Variants in ITPR2 observed in about 807,000 individuals in gnomAD.
The protein encoded by ITPR2 is inositol 1,4,5-trisphosphate-gated calcium channel ITPR2.
A neutral mutation model predicts 317.1 loss-of-function variants in ITPR2; 207 were observed. That is an observed-to-expected ratio of 0.65 (90% CI 0.58 to 0.73). ITPR2 has a LOEUF of 0.73. ITPR2 is among the 30% of genes least tolerant of loss of function. ITPR2 has a pLI of 0.00. For missense variants in ITPR2, 2,613 were observed against 3,284.0 expected, an observed-to-expected ratio of 0.80 and a Z score of 4.99; for synonymous variants, 1,156 against 1,149.1, an observed-to-expected ratio of 1.01 and a Z score of -0.12.
chr12:26,587,688 T>A (rs760351316), intron 32 of ITPR2, among the ~76,000 whole-genome samples: 44 of 149,892 alleles, frequency 2.9e-4, no homozygotes, highest in South Asian at 1.0e-3. Flanking sequence ...AGCAGAGGAG[T>A]GACGATCATC....
At chr12:26,363,002 C>A (rs183880297) in intron 55 of ITPR2, among the ~76,000 whole-genome samples, 1 of 152,274 alleles carries the variant, frequency 6.6e-6, no homozygotes, top group East Asian at 1.9e-4. Flanking sequence ...TCACGTAGAT[C>A]AGGGCCCCCA....
chr12:26,668,879 G>A (rs1370869535), intron 13 of ITPR2, among the ~76,000 whole-genome samples: 2 of 152,088 alleles, frequency 1.3e-5, no homozygotes, highest in African/African-American at 4.8e-5. Context: ...CCAGCATTTT[G>A]GGAGGTTGAG....
intron 37 of ITPR2, among the ~76,000 whole-genome samples, chr12:26,522,956 T>C (rs549758436): frequency 2.0e-5 from 3 of 152,364 alleles, no homozygotes; most frequent in African/African-American, 7.2e-5. Context: ...GGAAGCATTC[T>C]GCATAACATT....
chr12:26,604,668 C>G (rs992441002), intron 26 of ITPR2, among the ~76,000 whole-genome samples: 5 of 152,176 alleles, frequency 3.3e-5, no homozygotes, highest in Non-Finnish European at 5.9e-5. Flanking sequence ...GACTCCAGAG[C>G]TATATCGCCT....
At chr12:26,590,366 T>C (rs1945668573) in intron 32 of ITPR2, among the ~76,000 whole-genome samples, 1 of 152,076 alleles carries the variant, frequency 6.6e-6, no homozygotes, top group Non-Finnish European at 1.5e-5. Flanking sequence ...AAAAAATAAC[T>C]AGGCAAAAAA....
At chr12:26,584,663 G>A (rs1294752557) in intron 32 of ITPR2, among the ~76,000 whole-genome samples, 1 of 152,164 alleles carries the variant, frequency 6.6e-6, no homozygotes, top group Non-Finnish European at 1.5e-5. Flanking sequence ...TTAGACACAG[G>A]TGCCTACTGA....
intron 9 of ITPR2, among the ~76,000 whole-genome samples, chr12:26,703,382 A>G: frequency 6.6e-6 from 1 of 152,238 alleles, no homozygotes; most frequent in East Asian, 1.9e-4. Context: ...CACAATGTCA[A>G]AGTAGTACTT....
At chr12:26,671,398 C>T (rs1947767963) in intron 13 of ITPR2, among the ~76,000 whole-genome samples, 1 of 152,150 alleles carries the variant, frequency 6.6e-6, no homozygotes, top group Non-Finnish European at 1.5e-5. Context: ...CAATATTCAA[C>T]ATTCTTAAAG....
chr12:26,624,446 T>C (rs2880875), intron 23 of ITPR2, 90 bp from the exon 24 acceptor site: 514,249 of 901,962 alleles, frequency 0.57, 152,294 homozygotes, highest in East Asian at 0.95. Context: ...GTGAAAATAT[T>C]TTTGTCTTCA....
At chr12:26,386,927 C>A (rs1000059345) in intron 55 of ITPR2, among the ~76,000 whole-genome samples, 1 of 152,232 alleles carries the variant, frequency 6.6e-6, no homozygotes, top group Admixed American at 6.5e-5. Context: ...AATTCATCAG[C>A]AACATTGGTA....
intron 23 of ITPR2, among the ~76,000 whole-genome samples, chr12:26,626,785 T>C (rs1222306831): frequency 2.6e-5 from 4 of 152,208 alleles, no homozygotes; most frequent in African/African-American, 9.6e-5. Flanking sequence ...TCCTAACTGA[T>C]TGATGGACGA....
Position 26,722,512 on chromosome 12 carries a change from C to A in ITPR2, c.410G>T (p.Arg137Ile), listed in dbSNP as rs1350039311. Residue 137 changes from arginine to isoleucine, a missense_variant, in exon 5 of 57, where the codon AGA becomes ATA. By Grantham distance (97) the Arg-to-Ile change is moderately conservative (BLOSUM62 -3). Around this residue, in one of 9 missense-constraint regions of ITPR2, gnomAD observed 515 missense variants for 789.4 expected, o/e 0.65. Coordinates refer to ENST00000381340, the MANE Select transcript of ITPR2 (RefSeq NM_002223.4). ...ATTCTTCTCCAGTAAAGCAGGTAAT[C>A]TCTTGTTGACAGTAAGATATTTGTT... ...KSNKYLTVNK[R>I]LPALLEKNAM... is the part of the protein sequence containing the mutation. 1.2e-6 allele frequency: 2 copies of A among 1,613,128 alleles called. No homozygotes were observed. The highest frequency in any genetic ancestry group is 1.7e-6 in the Non-Finnish European group (2 of 1,179,372).
intron 1 of ITPR2, among the ~76,000 whole-genome samples, chr12:26,804,384 A>G (rs1334700283): frequency 6.6e-6 from 1 of 152,216 alleles, no homozygotes; most frequent in African/African-American, 2.4e-5. Context: ...TGTGGCTAGA[A>G]TGACAGATAT....
At chr12:26,461,551 T>G (rs1460221736) in intron 45 of ITPR2, among the ~76,000 whole-genome samples, 2 of 150,718 alleles carry the variant, frequency 1.3e-5, no homozygotes, top group Non-Finnish European at 2.9e-5. Flanking sequence ...TTTGCAAATC[T>G]CTGGTATAGT....
rs144621254 is a variant in ITPR2, at chr12:26,711,246, C to T, written c.878G>A (p.Arg293His). 9 of 1,613,528 alleles carry T rather than the reference C, an allele frequency of 5.6e-6. No homozygotes were observed. The highest frequency in any genetic ancestry group is 1.7e-4 in the Middle Eastern group (1 of 6,060). The change falls in exon 9 of 57, where the codon CGT (arginine) becomes CAT (histidine). Residue 293 changes from arginine to histidine, a missense_variant. Arg to His is a conservative substitution (Grantham distance 29). Around this residue, in one of 9 missense-constraint regions of ITPR2, gnomAD observed 515 missense variants for 789.4 expected, o/e 0.65. Transcript: ENST00000381340. Reference protein sequence around the residue: ...EIEVVHHDPCRGGAGQWNSLF... With the variant: ...EIEVVHHDPCHGGAGQWNSLF... ...GCTGTTCCACTGTCCTGCACCCCCA[C>T]GGCATGGGTCATGATGAACCACCTA... is the stretch of plus-strand genomic sequence containing the variant.
chr12:26,448,695 T>A (rs1266089158), intron 45 of ITPR2, among the ~76,000 whole-genome samples: 1 of 151,820 alleles, frequency 6.6e-6, no homozygotes, highest in Non-Finnish European at 1.5e-5. Context: ...AATAAAGACA[T>A]CCCCACAGGA....
chr12:26,682,126 G>T, intron 12 of ITPR2, 92 bp from the exon 13 acceptor site: 1 of 1,020,698 alleles, frequency 9.8e-7, no homozygotes, highest in East Asian at 2.4e-5. Flanking sequence ...AGAAATATAA[G>T]ACAAGAATAG....
At chr12:26,485,344 C>A (rs1348701347) in intron 41 of ITPR2, among the ~76,000 whole-genome samples, 1 of 152,150 alleles carries the variant, frequency 6.6e-6, no homozygotes, top group Admixed American at 6.5e-5. Context: ...ACACTCCTAC[C>A]AGTAAACTGT....
intron 33 of ITPR2, among the ~76,000 whole-genome samples, chr12:26,579,520 G>A (rs1301406101): frequency 6.6e-6 from 1 of 151,640 alleles, no homozygotes; most frequent in Non-Finnish European, 1.5e-5. Context: ...TTATTTTCTT[G>A]GTCATCAATT....
Sources: gnomAD v4.1 joint callset for allele counts (sites outside exome capture counted in the v4.1 genomes callset) on GRCh38, gnomAD v4.1.1 for gene constraint, gnomAD v4.1.1 regional missense constraint, MANE v1.5 for transcripts, NCBI Gene and HGNC (gene_info 2026-07-23, HGNC 2026-07-21) for gene names.